The following NTN4 variants were observed in gnomAD, a reference collection of about 807,000 sequenced individuals.
NTN4 encodes the protein netrin-4.
A neutral mutation model predicts 73.6 loss-of-function variants in NTN4; 32 were observed. The observed-to-expected ratio is 0.44, with a 90% CI of 0.33 to 0.58. The LOEUF (loss-of-function observed/expected upper bound fraction) is 0.58, where lower values mean the gene tolerates loss of function less well. Among genes scored for constraint, NTN4 ranks in the 20% least tolerant of loss-of-function variants. NTN4 has a pLI of 0.04. For missense variants in NTN4, 654 were observed against 798.3 expected (o/e 0.82, Z 2.18); for synonymous variants, 258 against 287.5 (o/e 0.90, Z 1.04).
chr12:95,692,984 T>C (rs755055049), intron 5 of NTN4, among the ~76,000 whole-genome samples: 4 of 152,046 alleles, frequency 2.6e-5, no homozygotes, highest in Non-Finnish European at 4.4e-5. Flanking sequence ...GTATCAGGCA[T>C]CTAGTGGCAC....
At chr12:95,759,374 T>C (rs1421161822) in intron 2 of NTN4, among the ~76,000 whole-genome samples, 1 of 152,200 alleles carries the variant, frequency 6.6e-6, no homozygotes, top group Non-Finnish European at 1.5e-5. Flanking sequence ...ATGCTCTTTT[T>C]ACTTAATCAT....
intron 2 of NTN4, among the ~76,000 whole-genome samples, chr12:95,775,363 T>A (rs2079084057): frequency 6.6e-6 from 1 of 152,174 alleles, no homozygotes; most frequent in Admixed American, 6.5e-5. Flanking sequence ...GCACTGAGCA[T>A]GAGCCAAAGC....
At chr12:95,715,515 T>G (rs1341326060) in intron 3 of NTN4, among the ~76,000 whole-genome samples, 1 of 152,192 alleles carries the variant, frequency 6.6e-6, no homozygotes, top group African/African-American at 2.4e-5. Flanking sequence ...TGGCCTTCTC[T>G]TCATGGCTCT....
Position 95,790,292 on chromosome 12 carries a change from C to T in NTN4, c.18G>A (p.Arg6=), listed in dbSNP as rs1489615657. The T allele has an allele frequency of 3.3e-6, 5 of 1,533,262 alleles. No individual in the cohort carries two copies. 95.0% of individuals were successfully genotyped at this position (1,533,262 alleles called of 1,614,324 possible). MGSCA[R]LLLLWGCTVV... ...CCGTGCAGCCCCAGAGCAGCAGCAG[C>T]CGCGCGCAGCTCCCCATGGCCGGGA... Residue 6 remains arginine, a synonymous_variant, in exon 1 of 10, where the codon CGG becomes CGA. Coordinates refer to ENST00000343702, the MANE Select transcript of NTN4 (RefSeq NM_021229.4). This position sits in a 1 kb window ranked among gnomAD's most constrained non-coding sequence, Gnocchi z 6.5.
rs34550049 is a variant in NTN4, at chr12:95,734,069, C to CA, written c.864+3796dup. Among the ~76,000 whole-genome samples the CA allele has an allele frequency of 8.6e-3, 809 of 93,778 alleles. 4 individuals are homozygous for CA. The highest frequency in any genetic ancestry group is 0.034 in the East Asian group (76 of 2,256). The allele number at this position is 93,778 out of a possible 152,430, so 61.5% of individuals were successfully genotyped here. ...TGGGTGACAGAGCAAGACTCCATTT[C>CA]AAAAAAAAAAAAAAAAAAAAAGGAA... On this transcript the variant is annotated intron_variant, in intron 3 of 9. Coordinates refer to ENST00000343702, the MANE Select transcript of NTN4 (RefSeq NM_021229.4).
intron 2 of NTN4, among the ~76,000 whole-genome samples, chr12:95,765,216 A>C (rs1365616209): frequency 6.6e-6 from 1 of 152,240 alleles, no homozygotes; most frequent in Admixed American, 6.5e-5. Context: ...GTTCAAAAAG[A>C]ATTTGTAAAG....
chr12:95,660,001 T>A (rs925322580), intron 9 of NTN4, among the ~76,000 whole-genome samples: 4 of 152,080 alleles, frequency 2.6e-5, no homozygotes, highest in Non-Finnish European at 5.9e-5. Flanking sequence ...GGAGGTTTTT[T>A]TTTTGTTTTT....
At chr12:95,731,728 G>C (rs887663527) in intron 3 of NTN4, among the ~76,000 whole-genome samples, 1 of 151,940 alleles carries the variant, frequency 6.6e-6, no homozygotes, top group East Asian at 1.9e-4. Flanking sequence ...TCTTTTCTCT[G>C]TTCTTGGCAC....
At chr12:95,768,816 A>T (rs2079037140) in intron 2 of NTN4, among the ~76,000 whole-genome samples, 1 of 152,194 alleles carries the variant, frequency 6.6e-6, no homozygotes. Flanking sequence ...ACAGGGATGG[A>T]GAGAGGCATA....
At chr12:95,747,753 A>G (rs1021990321) in intron 2 of NTN4, among the ~76,000 whole-genome samples, 14 of 152,190 alleles carry the variant, frequency 9.2e-5, no homozygotes, top group Non-Finnish European at 2.1e-4. Context: ...TTGATTTTCC[A>G]ATATAAAAAT....
chr12:95,702,748 G>A (rs2078494258), intron 5 of NTN4, among the ~76,000 whole-genome samples: 1 of 151,786 alleles, frequency 6.6e-6, no homozygotes, highest in Admixed American at 6.6e-5. Context: ...TTGGCACAGG[G>A]GAAGCACTCA....
intron 3 of NTN4, among the ~76,000 whole-genome samples, chr12:95,734,810 C>T (rs973794633): frequency 1.3e-5 from 2 of 152,096 alleles, no homozygotes; most frequent in East Asian, 1.9e-4. Context: ...GAGGCTGAGG[C>T]GGGTGGATCA....
intron 2 of NTN4, among the ~76,000 whole-genome samples, chr12:95,773,769 A>G (rs1473201153): frequency 6.6e-6 from 1 of 151,988 alleles, no homozygotes; most frequent in Non-Finnish European, 1.5e-5. Context: ...GTAGCATTCT[A>G]CATATTTTAC....
intron 5 of NTN4, among the ~76,000 whole-genome samples, chr12:95,689,056 C>T (rs929549381): frequency 6.6e-6 from 1 of 152,124 alleles, no homozygotes; most frequent in African/African-American, 2.4e-5. Context: ...AAATTTCTAA[C>T]ATCTGTGCAA....
chr12:95,770,920 G>A (rs1336265638), intron 2 of NTN4, among the ~76,000 whole-genome samples: 1 of 152,124 alleles, frequency 6.6e-6, no homozygotes, highest in Non-Finnish European at 1.5e-5. Context: ...AGAGAAATAT[G>A]ACATAGAAAG....
At chr12:95,739,428 A>G (rs2078806557) in intron 2 of NTN4, among the ~76,000 whole-genome samples, 1 of 152,252 alleles carries the variant, frequency 6.6e-6, no homozygotes, top group South Asian at 2.1e-4. Flanking sequence ...AAGGAAGCTT[A>G]TCAGAAAATA....
intron 9 of NTN4, among the ~76,000 whole-genome samples, chr12:95,660,991 T>G (rs927458625): frequency 2.0e-5 from 3 of 152,204 alleles, no homozygotes; most frequent in South Asian, 4.1e-4. Flanking sequence ...GATGAATGTG[T>G]GTCTTTTTAA....
At chr12:95,676,988 G>GT (rs2078278299) in intron 7 of NTN4, among the ~76,000 whole-genome samples, 1 of 152,188 alleles carries the variant, frequency 6.6e-6, no homozygotes, top group African/African-American at 2.4e-5. Flanking sequence ...TGTAATCCCA[G>GT]CACTTCGGGA....
intron 5 of NTN4, among the ~76,000 whole-genome samples, chr12:95,687,176 C>CATTATTATT (rs113122304): frequency 1.3e-5 from 2 of 151,652 alleles, no homozygotes; most frequent in African/African-American, 4.8e-5. Flanking sequence ...CACAGTGCAT[C>CATTATTATT]ATTATTATTT....
Sources: allele counts gnomAD v4.1 joint callset (sites outside exome capture counted in the v4.1 genomes callset), GRCh38; gene constraint gnomAD v4.1.1; non-coding constraint Gnocchi (gnomAD v3.1); transcripts MANE v1.5; gene names NCBI Gene and HGNC (gene_info 2026-07-23, HGNC 2026-07-21).